The following LHFPL3 variants were observed in gnomAD, a reference collection of about 807,000 sequenced individuals.
The protein encoded by LHFPL3 is LHFPL tetraspan subfamily member 3 protein.
In LHFPL3, 5 loss-of-function variants were observed where a neutral mutation model predicts 19.3. That is an observed-to-expected ratio of 0.26 (90% CI 0.14 to 0.54). The LOEUF (loss-of-function observed/expected upper bound fraction) is 0.54, where lower values mean the gene tolerates loss of function less well. LHFPL3 is among the 20% of genes least tolerant of loss of function. The pLI is 0.94. For missense variants in LHFPL3, 249 were observed against 307.4 expected, an observed-to-expected ratio of 0.81 and a Z score of 1.42; for synonymous variants, 133 against 126.2, an observed-to-expected ratio of 1.05 and a Z score of -0.36.
At chr7:104,472,176 C>CAAAA (rs36086761) in intron 1 of LHFPL3, among the ~76,000 whole-genome samples, 1 of 134,500 alleles carries the variant, frequency 7.4e-6, no homozygotes, top group Non-Finnish European at 1.6e-5. Flanking sequence ...GACCCTATCT[C>CAAAA]AAAAAAAAAA....
At chr7:104,508,842 T>C (rs887945879) in intron 1 of LHFPL3, among the ~76,000 whole-genome samples, 1 of 149,982 alleles carries the variant, frequency 6.7e-6, no homozygotes, top group Admixed American at 6.6e-5. Flanking sequence ...TTTTTAAAGA[T>C]CGATAAAATT....
At chr7:104,432,316 C>T (rs1003089907) in intron 1 of LHFPL3, among the ~76,000 whole-genome samples, 2 of 152,178 alleles carry the variant, frequency 1.3e-5, no homozygotes, top group Non-Finnish European at 2.9e-5. Flanking sequence ...GGCTCATTAT[C>T]TTGTCAAGAC....
intron 1 of LHFPL3, among the ~76,000 whole-genome samples, chr7:104,727,346 A>ATT (rs996310667): frequency 4.6e-5 from 7 of 151,946 alleles, no homozygotes; most frequent in African/African-American, 1.7e-4. Flanking sequence ...CCATTTGTCA[A>ATT]TTTTTGCTTT....
intron 2 of LHFPL3, among the ~76,000 whole-genome samples, chr7:104,898,538 C>T (rs1314839614): frequency 6.6e-6 from 1 of 152,168 alleles, no homozygotes; most frequent in African/African-American, 2.4e-5. Flanking sequence ...GGAAGCAAGG[C>T]ACCTCCCAAA....
At chr7:104,759,122 A>T (rs1000990470) in intron 2 of LHFPL3, among the ~76,000 whole-genome samples, 1 of 152,182 alleles carries the variant, frequency 6.6e-6, no homozygotes, top group African/African-American at 2.4e-5. Context: ...AGAAGATAAG[A>T]GTGGGCTGAT....
At position 104,385,274 on chromosome 7, in the gene LHFPL3, G is replaced by A. The variant is rs1027972239; in HGVS notation, c.445+56050G>A. Among the ~76,000 whole-genome samples the A allele has an allele frequency of 3.9e-5, 6 of 152,288 alleles. No homozygotes were observed. The South Asian group carries it at 1.0e-3, about 26-fold the overall frequency. On this transcript the variant is annotated intron_variant, in intron 1 of 2. Transcript: ENST00000424859. ...GCCCATCCTGTAAACTTCTCAAAAG[G>A]ATTTGTCTTCCCATGTAGATTACCT...
intron 1 of LHFPL3, among the ~76,000 whole-genome samples, chr7:104,499,285 A>G (rs543318266): frequency 6.6e-6 from 1 of 152,254 alleles, no homozygotes; most frequent in Non-Finnish European, 1.5e-5. Flanking sequence ...GCTCATTTGC[A>G]AAATGAATAG....
rs568152675 is a variant in LHFPL3 at position 104,628,120 on chromosome 7, G to A, written c.446-108555G>A. On this transcript the variant is annotated intron_variant, in intron 1 of 2. Transcript: ENST00000424859. ...GGGAAGCAGGCAGAGAGGAGCACAA[G>A]TCTGAGGTATGTGGCAATGACAGCT... 5.9e-5 allele frequency among the ~76,000 whole-genome samples: 9 copies of A among 152,288 alleles called. No individual in the cohort carries two copies. The South Asian group carries it at 1.5e-3, about 25-fold the overall frequency.
intron 1 of LHFPL3, among the ~76,000 whole-genome samples, chr7:104,420,709 G>A (rs1584307911): frequency 6.6e-6 from 1 of 152,144 alleles, no homozygotes; most frequent in Admixed American, 6.5e-5. Context: ...ACAGGCGCCC[G>A]CCACCATGCC....
chr7:104,581,405 T>G (rs1016698570), intron 1 of LHFPL3, among the ~76,000 whole-genome samples: 3 of 152,052 alleles, frequency 2.0e-5, no homozygotes, highest in Admixed American at 6.6e-5. Flanking sequence ...TGGGTACAAG[T>G]TTTTGTTAGA....
intron 1 of LHFPL3, among the ~76,000 whole-genome samples, chr7:104,408,979 C>T (rs1323146990): frequency 6.6e-6 from 1 of 150,462 alleles, no homozygotes; most frequent in Non-Finnish European, 1.5e-5. Flanking sequence ...ATTCTCCTGC[C>T]TCAGCCTCCC....
chr7:104,529,936 G>A (rs886539170), intron 1 of LHFPL3, among the ~76,000 whole-genome samples: 8 of 152,168 alleles, frequency 5.3e-5, no homozygotes, highest in African/African-American at 4.8e-5. Flanking sequence ...TATGGAAAGA[G>A]GGGCAAGGAT....
intron 2 of LHFPL3, among the ~76,000 whole-genome samples, chr7:104,829,586 T>C (rs1300281176): frequency 6.6e-6 from 1 of 151,402 alleles, no homozygotes; most frequent in African/African-American, 2.4e-5. Flanking sequence ...TGGTGTTTGG[T>C]TTTTTGTCCT....
chr7:104,853,168 GT>G (rs1791443398), intron 2 of LHFPL3, among the ~76,000 whole-genome samples: 1 of 152,228 alleles, frequency 6.6e-6, no homozygotes, highest in Non-Finnish European at 1.5e-5. Flanking sequence ...CCTCGATCCA[GT>G]TACCTAGTAG....
intron 1 of LHFPL3, among the ~76,000 whole-genome samples, chr7:104,465,774 G>T (rs1792770410): frequency 6.6e-6 from 1 of 152,190 alleles, no homozygotes; most frequent in Admixed American, 6.5e-5. Context: ...AATTCAAGAT[G>T]AGATTTGGGT....
chr7:104,585,080 CCT>C (rs1042276425), intron 1 of LHFPL3, among the ~76,000 whole-genome samples: 2 of 152,072 alleles, frequency 1.3e-5, no homozygotes, highest in African/African-American at 4.8e-5. Context: ...ACTTTTTCCC[CCT>C]CTTGTCCTCT....
At chr7:104,673,887 A>G (rs554112966) in intron 1 of LHFPL3, among the ~76,000 whole-genome samples, 3 of 152,334 alleles carry the variant, frequency 2.0e-5, no homozygotes, top group Non-Finnish European at 2.9e-5. Context: ...AAATGTATCT[A>G]TGTGATTCTT....
intron 1 of LHFPL3, among the ~76,000 whole-genome samples, chr7:104,477,912 C>G (rs1384646579): frequency 2.6e-5 from 4 of 152,084 alleles, no homozygotes; most frequent in African/African-American, 9.7e-5. Flanking sequence ...AAAGGCTATC[C>G]AGACACGTGA....
intron 1 of LHFPL3, among the ~76,000 whole-genome samples, chr7:104,623,835 C>T (rs2115815430): frequency 6.6e-6 from 1 of 152,280 alleles, no homozygotes; most frequent in East Asian, 1.9e-4. Context: ...TTTGGACCTT[C>T]CAGATATTCC....
Sources: allele counts gnomAD v4.1 joint callset (sites outside exome capture counted in the v4.1 genomes callset), GRCh38; gene constraint gnomAD v4.1.1; transcripts MANE v1.5; gene names NCBI Gene and HGNC (gene_info 2026-07-23, HGNC 2026-07-21).